Variants in APAF1 observed in about 807,000 individuals in gnomAD.
APAF1 encodes apoptotic protease-activating factor 1.
A neutral mutation model predicts 152.4 loss-of-function variants in APAF1; 91 were observed. That is an observed-to-expected ratio of 0.60 (90% confidence interval 0.50 to 0.71). The LOEUF (loss-of-function observed/expected upper bound fraction) is 0.71, where lower values mean the gene tolerates loss of function less well. Ranked by LOEUF, APAF1 falls within the 30% of genes least tolerant of loss-of-function variation. The pLI is 0.00. For synonymous variants in APAF1, 484 were observed against 494.1 expected (o/e 0.98, Z 0.27); for missense variants, 1,283 against 1,472.0 (o/e 0.87, Z 2.10).
chr12:98,702,190 C>T (rs887231990), intron 17 of APAF1, among the ~76,000 whole-genome samples: 5 of 152,180 alleles, frequency 3.3e-5, no homozygotes, highest in Admixed American at 1.3e-4. Context: ...CTCAGCCTCC[C>T]GAGTAGCTGG....
intron 16 of APAF1, among the ~76,000 whole-genome samples, chr12:98,688,732 T>G (rs986613121): frequency 1.3e-5 from 2 of 151,734 alleles, no homozygotes; most frequent in Non-Finnish European, 1.5e-5. Flanking sequence ...AGTGCTGGGA[T>G]TATAGGCGTG....
chr12:98,698,832 G>A (rs769860151), intron 16 of APAF1, among the ~76,000 whole-genome samples: 1 of 152,190 alleles, frequency 6.6e-6, no homozygotes, highest in Non-Finnish European at 1.5e-5. Flanking sequence ...CTACTAGTGA[G>A]CAAAGTTTAC....
intron 26 of APAF1, 55 bp from the exon 27 acceptor site, chr12:98,732,365 A>C: frequency 6.6e-7 from 1 of 1,521,168 alleles, no homozygotes; most frequent in South Asian, 1.1e-5. Flanking sequence ...GGCACTATAA[A>C]TTGTCACACA....
intron 18 of APAF1, among the ~76,000 whole-genome samples, chr12:98,706,057 CA>C (rs2097721053): frequency 6.6e-6 from 1 of 152,120 alleles, no homozygotes; most frequent in Non-Finnish European, 1.5e-5. Flanking sequence ...CATATATATC[CA>C]TACCTGTATC....
At chr12:98,691,249 C>A (rs2288724) in intron 16 of APAF1, among the ~76,000 whole-genome samples, 27,160 of 151,738 alleles carry the variant, frequency 0.18, 2,545 homozygotes, top group Non-Finnish European at 0.2. Context: ...ACTGTTCCTC[C>A]CTTTCCTTCT....
chr12:98,721,807 A>G (rs2097743310), intron 22 of APAF1, among the ~76,000 whole-genome samples: 2 of 151,958 alleles, frequency 1.3e-5, no homozygotes, highest in African/African-American at 4.8e-5. Flanking sequence ...AAAAAGAAGT[A>G]AAAAAAAGGG....
chr12:98,715,309 G>T, intron 21 of APAF1, 118 bp from the exon 22 acceptor site: 4 of 573,032 alleles, frequency 7.0e-6, no homozygotes, highest in Non-Finnish European at 1.2e-5. Flanking sequence ...AATTAGGCTG[G>T]AAGCACCAGA....
chr12:98,710,185 T>TG (rs1348177163), intron 20 of APAF1, among the ~76,000 whole-genome samples: 6 of 151,202 alleles, frequency 4.0e-5, no homozygotes, highest in African/African-American at 1.5e-4. Flanking sequence ...AAGGGTTTTT[T>TG]TTTTTTTTTT....
At chr12:98,650,279 T>C (rs1165224588) in intron 4 of APAF1, among the ~76,000 whole-genome samples, 1 of 151,882 alleles carries the variant, frequency 6.6e-6, no homozygotes, top group East Asian at 1.9e-4. Context: ...GGTCAGGAGT[T>C]CAAGACCAGC....
intron 14 of APAF1, among the ~76,000 whole-genome samples, chr12:98,681,817 A>G (rs1216658689): frequency 2.6e-5 from 4 of 152,332 alleles, no homozygotes; most frequent in East Asian, 3.9e-4. Context: ...TTTCTAAGCC[A>G]GAGGTAGAAA....
chr12:98,701,845 T>C (rs1250650864), intron 17 of APAF1, among the ~76,000 whole-genome samples: 3 of 152,230 alleles, frequency 2.0e-5, no homozygotes, highest in Non-Finnish European at 4.4e-5. Context: ...TCTACTCCTA[T>C]TGTTAGGTCT....
intron 10 of APAF1, among the ~76,000 whole-genome samples, chr12:98,668,139 G>C (rs2097675746): frequency 6.6e-6 from 1 of 151,838 alleles, no homozygotes; most frequent in Non-Finnish European, 1.5e-5. Flanking sequence ...GTCGTTGTTT[G>C]GTATTTTGCT....
At chr12:98,649,299 A>G (rs929753826) in intron 3 of APAF1, 188 bp from the exon 4 acceptor site, 1 of 869,830 alleles carries the variant, frequency 1.1e-6, no homozygotes, top group Non-Finnish European at 1.4e-6. Flanking sequence ...TGAAGGATAT[A>G]TGTTTGTCTT....
intron 16 of APAF1, among the ~76,000 whole-genome samples, chr12:98,693,595 C>T (rs1410156493): frequency 6.6e-6 from 1 of 151,976 alleles, no homozygotes; most frequent in Admixed American, 6.6e-5. Flanking sequence ...TAATTTGCTC[C>T]TTAAATGATT....
rs896714175 is a variant in APAF1, at chr12:98,667,650, A to G, written c.1494+6A>G. 9 of 1,612,868 alleles carry G rather than the reference A, an allele frequency of 5.6e-6. No homozygotes were observed. The highest frequency in any genetic ancestry group is 3.4e-6 in the Non-Finnish European group (4 of 1,179,872). ...CCAGTGCCAAGATGCACAAGGTAAGATGACCCATTTAAAAATTCTTTTATC... is the reference window on the plus strand; with the variant it reads ...CCAGTGCCAAGATGCACAAGGTAAGGTGACCCATTTAAAAATTCTTTTATC... On this transcript the variant is annotated splice_donor_region_variant and intron_variant, in intron 10 of 26. Coordinates refer to ENST00000551964, the MANE Select transcript of APAF1 (RefSeq NM_181861.2).
chr12:98,682,918 T>C (rs2097693959), intron 14 of APAF1, among the ~76,000 whole-genome samples: 1 of 152,196 alleles, frequency 6.6e-6, no homozygotes. Flanking sequence ...CTAGTTATGC[T>C]ATAGGTACAT....
At position 98,659,272 on chromosome 12, in the gene APAF1, C is replaced by T. The variant is rs2097661662; in HGVS notation, c.639C>T (p.Ser213=). Residue 213 remains serine, a synonymous_variant, in exon 5 of 27, where the codon TCC becomes TCT. Coordinates refer to ENST00000551964, the MANE Select transcript of APAF1 (RefSeq NM_181861.2). ...CTRLDQDESF[S]QRLPLNIEEA... ...GGTTGGATCAGGATGAGAGTTTTTC[C>T]CAGAGGCTTCCACTTAATATTGAAG... 5.0e-6 allele frequency: 8 copies of T among 1,614,022 alleles called. No homozygotes were observed. Among genetic ancestry groups the T allele is most frequent in the Non-Finnish European group, 6.8e-6 (8 of 1,180,042 alleles).
At chr12:98,656,942 G>C (rs923391285) in intron 4 of APAF1, among the ~76,000 whole-genome samples, 1 of 152,094 alleles carries the variant, frequency 6.6e-6, no homozygotes, top group East Asian at 1.9e-4. Flanking sequence ...ATTGGAGTTC[G>C]TAGATTATAA....
chr12:98,686,288 A>G (rs373618689), intron 15 of APAF1, among the ~76,000 whole-genome samples: 3 of 152,286 alleles, frequency 2.0e-5, no homozygotes, highest in African/African-American at 7.2e-5. Flanking sequence ...GTCCCATGGA[A>G]TGTGCCATAT....
Sources: allele counts gnomAD v4.1 joint callset (sites outside exome capture counted in the v4.1 genomes callset), GRCh38; gene constraint gnomAD v4.1.1; transcripts MANE v1.5; gene names NCBI Gene and HGNC (gene_info 2026-07-23, HGNC 2026-07-21).